FMNL2: variants seen among roughly 807,000 people sequenced by gnomAD.
FMNL2 encodes the protein formin-like protein 2.
Under a neutral mutation model 130.2 loss-of-function variants are expected in FMNL2, and 51 were observed. The ratio of observed to expected loss-of-function variants is 0.39; its 90% CI spans 0.31 to 0.49. The LOEUF (loss-of-function observed/expected upper bound fraction) is 0.49, where lower values mean the gene tolerates loss of function less well. FMNL2 is among the 20% of genes least tolerant of loss of function. FMNL2 has a pLI of 0.85. For missense variants in FMNL2, 977 were observed against 1,316.2 expected, an observed-to-expected ratio of 0.74 and a Z score of 3.99; for synonymous variants, 465 against 467.1, an observed-to-expected ratio of 1.00 and a Z score of 0.06.
At chr2:152,378,061 A>C (rs1684267984) in intron 1 of FMNL2, among the ~76,000 whole-genome samples, 1 of 151,516 alleles carries the variant, frequency 6.6e-6, no homozygotes, top group Non-Finnish European at 1.5e-5. Flanking sequence ...GCAGTGAGCC[A>C]AGATTGCACC....
In FMNL2 at chr2:152,631,937, C is replaced by T. The variant is rs58280756; in HGVS notation, c.2551-71C>T. 4.0e-3 allele frequency: 6,070 copies of T among 1,502,594 alleles called. 232 individuals are homozygous for T. In the African/African-American group the frequency reaches 0.075, roughly 19 times the overall value. The allele number at this position is 1,502,594 out of a possible 1,614,324, so 93.1% of individuals were successfully genotyped here. ...CAGTTAATGACTCTGGGTGGGAAAT[C>T]GTCACCTGAGGGGTAAGTGTCTTGT... On this transcript the variant is annotated intron_variant, in intron 20 of 25. Transcript: ENST00000288670.
chr2:152,611,446 T>G, intron 10 of FMNL2, 49 bp from the exon 11 acceptor site: 8 of 1,080,156 alleles, frequency 7.4e-6, no homozygotes, highest in African/African-American at 1.6e-5. Context: ...GCAGTTAAAC[T>G]GAGAAAAAAG....
chr2:152,385,319 T>C (rs1439258794), intron 1 of FMNL2, among the ~76,000 whole-genome samples: 3 of 152,230 alleles, frequency 2.0e-5, no homozygotes, highest in Admixed American at 1.3e-4. Context: ...ATCCCATTCA[T>C]AGAAGGCAGT....
At chr2:152,422,096 A>G (rs1686953178) in intron 1 of FMNL2, among the ~76,000 whole-genome samples, 1 of 152,200 alleles carries the variant, frequency 6.6e-6, no homozygotes, top group South Asian at 2.1e-4. Flanking sequence ...TGAGCTCTTT[A>G]GGTCAAACCT....
chr2:152,593,902 T>TGTGTGTGTGAGA (rs1296082394), intron 9 of FMNL2, among the ~76,000 whole-genome samples: 5 of 81,634 alleles, frequency 6.1e-5, no homozygotes, highest in Admixed American at 5.8e-4. Flanking sequence ...TGTGTGTGTG[T>TGTGTGTGTGAGA]GAGAGAGAGA....
At chr2:152,640,643 G>A (rs1299585830) in intron 24 of FMNL2, 148 bp from the exon 25 acceptor site, 3 of 1,008,198 alleles carry the variant, frequency 3.0e-6, no homozygotes, top group Admixed American at 6.0e-5. Context: ...AGAAGCTTGA[G>A]TTCTCTGCAA....
intron 12 of FMNL2, 121 bp downstream of exon 12, chr2:152,615,121 G>C: frequency 1.0e-6 from 1 of 977,836 alleles, no homozygotes; most frequent in East Asian, 2.6e-5. Context: ...GCCATACCCT[G>C]CAAGAGAGAG....
chr2:152,601,830 C>T (rs1273015514), intron 9 of FMNL2, among the ~76,000 whole-genome samples: 1 of 151,828 alleles, frequency 6.6e-6, no homozygotes, highest in Non-Finnish European at 1.5e-5. Flanking sequence ...CCACCATGCC[C>T]AATTAATTTT....
At chr2:152,612,656 A>G (rs949906725) in intron 11 of FMNL2, among the ~76,000 whole-genome samples, 2 of 152,164 alleles carry the variant, frequency 1.3e-5, no homozygotes, top group Non-Finnish European at 2.9e-5. Flanking sequence ...CACTTTGTCA[A>G]CCAGGCTGGA....
intron 2 of FMNL2, among the ~76,000 whole-genome samples, chr2:152,526,247 A>G (rs1693381047): frequency 6.6e-6 from 1 of 152,172 alleles, no homozygotes; most frequent in South Asian, 2.1e-4. Flanking sequence ...GAGTAGTGAC[A>G]GTGGTGGCAT....
chr2:152,483,741 G>T (rs530512372), intron 1 of FMNL2, among the ~76,000 whole-genome samples: 1 of 152,202 alleles, frequency 6.6e-6, no homozygotes, highest in African/African-American at 2.4e-5. Flanking sequence ...CTGCCAAGGC[G>T]CCAGCACTGC....
rs1448102026 is a variant in FMNL2, at chr2:152,335,569, C to A, written c.-35C>A. On this transcript the variant is annotated 5_prime_UTR_variant, in exon 1 of 26. Transcript: ENST00000288670. ...TGATTTCCGACGCGCACGCTAGGGG[C>A]CCGGAGCAGCCCCCGGCCCCGGCGC... 1 of 1,538,282 alleles carries A rather than the reference C, an allele frequency of 6.5e-7. No individual in the cohort carries two copies.
intron 1 of FMNL2, among the ~76,000 whole-genome samples, chr2:152,481,616 A>G (rs559755761): frequency 6.6e-6 from 1 of 152,160 alleles, no homozygotes; most frequent in Admixed American, 6.6e-5. Flanking sequence ...CAGAATTGAC[A>G]GCCACAGCTA....
chr2:152,549,230 C>T, intron 4 of FMNL2, 133 bp downstream of exon 4: 1 of 546,488 alleles, frequency 1.8e-6, no homozygotes, highest in East Asian at 3.3e-5. Context: ...GTAGATGAAA[C>T]CTTGTTAGTA....
chr2:152,470,979 A>G (rs1689829017), intron 1 of FMNL2, among the ~76,000 whole-genome samples: 1 of 152,232 alleles, frequency 6.6e-6, no homozygotes, highest in Admixed American at 6.5e-5. Flanking sequence ...GCCTCCTACC[A>G]CCAGCTAACT....
chr2:152,549,207 G>C, intron 4 of FMNL2, 110 bp downstream of exon 4: 1 of 693,260 alleles, frequency 1.4e-6, no homozygotes, highest in Non-Finnish European at 2.2e-6. Context: ...TAAATTAAAA[G>C]ACTGAGGTTT....
intron 1 of FMNL2, among the ~76,000 whole-genome samples, chr2:152,500,645 C>G (rs1043532987): frequency 3.9e-5 from 6 of 152,174 alleles, no homozygotes; most frequent in African/African-American, 1.4e-4. Context: ...GTCAGGAGTT[C>G]TAGACCAGCC....
chr2:152,559,954 A>G (rs2105592508), intron 5 of FMNL2, among the ~76,000 whole-genome samples: 1 of 152,314 alleles, frequency 6.6e-6, no homozygotes, highest in South Asian at 2.1e-4. Flanking sequence ...AGTCATCACC[A>G]ATTTTCAGAT....
intron 9 of FMNL2, among the ~76,000 whole-genome samples, chr2:152,602,283 G>T (rs1698120183): frequency 6.6e-6 from 1 of 152,152 alleles, no homozygotes; most frequent in Non-Finnish European, 1.5e-5. Context: ...CTGGGATCGT[G>T]AATTTATTCA....
Sources: allele counts gnomAD v4.1 joint callset (sites outside exome capture counted in the v4.1 genomes callset), GRCh38; gene constraint gnomAD v4.1.1; transcripts MANE v1.5; gene names NCBI Gene and HGNC (gene_info 2026-07-23, HGNC 2026-07-21).